NEGR1: variants seen among roughly 807,000 people sequenced by gnomAD.
The protein encoded by NEGR1 is neuronal growth regulator 1.
A neutral mutation model predicts 40.9 loss-of-function variants in NEGR1; 10 were observed. The ratio of observed to expected loss-of-function variants is 0.24; its 90% confidence interval spans 0.15 to 0.42. The LOEUF is 0.42. NEGR1 is among the 10% of genes least tolerant of loss of function. NEGR1 has a pLI of 1.00. For synonymous variants in NEGR1, 185 were observed against 166.8 expected, an observed-to-expected ratio of 1.11 and a Z score of -0.84; for missense variants, 352 against 438.9, an observed-to-expected ratio of 0.80 and a Z score of 1.77.
At chr1:71,888,340 G>A (rs1364906436) in intron 2 of NEGR1, among the ~76,000 whole-genome samples, 4 of 152,072 alleles carry the variant, frequency 2.6e-5, no homozygotes, top group Admixed American at 6.5e-5. Flanking sequence ...CAGACAGTGG[G>A]CGCAGGCCAG....
At chr1:71,485,843 A>G (rs1163101062) in intron 6 of NEGR1, among the ~76,000 whole-genome samples, 1 of 151,704 alleles carries the variant, frequency 6.6e-6, no homozygotes, top group African/African-American at 2.4e-5. Flanking sequence ...CACCTACTGA[A>G]AGACATCTTG....
intron 1 of NEGR1, among the ~76,000 whole-genome samples, chr1:72,199,851 TA>T (rs1354148165): frequency 6.6e-6 from 1 of 151,428 alleles, no homozygotes; most frequent in Non-Finnish European, 1.5e-5. Flanking sequence ...ACAACCCCAT[TA>T]AAAAATGGGC....
At chr1:71,664,248 T>G (rs1213005244) in intron 4 of NEGR1, among the ~76,000 whole-genome samples, 5 of 152,200 alleles carry the variant, frequency 3.3e-5, no homozygotes, top group African/African-American at 1.2e-4. Flanking sequence ...AGTGAAAGCA[T>G]GTGGGATGAA....
chr1:72,224,992 G>T (rs1654130032), intron 1 of NEGR1, among the ~76,000 whole-genome samples: 2 of 151,988 alleles, frequency 1.3e-5, no homozygotes, highest in South Asian at 4.1e-4. Flanking sequence ...TTTCCTAATA[G>T]TCTTGAATAA....
intron 6 of NEGR1, among the ~76,000 whole-genome samples, chr1:71,590,311 G>A (rs1054747136): frequency 6.6e-6 from 1 of 152,104 alleles, no homozygotes; most frequent in East Asian, 1.9e-4. Flanking sequence ...AATTCAGATA[G>A]TGGTATTGGC....
At chr1:71,649,123 A>T (rs1047467849) in intron 4 of NEGR1, among the ~76,000 whole-genome samples, 1 of 152,114 alleles carries the variant, frequency 6.6e-6, no homozygotes, top group Admixed American at 6.6e-5. Context: ...TACTTTTAAT[A>T]AAAGTAATGC....
chr1:72,051,923 T>C (rs1412628086), intron 1 of NEGR1, among the ~76,000 whole-genome samples: 3 of 151,394 alleles, frequency 2.0e-5, no homozygotes, highest in African/African-American at 7.3e-5. Flanking sequence ...ATGTAGAAGT[T>C]TGTCAACTTT....
At chr1:72,194,095 C>A (rs1057302965) in intron 1 of NEGR1, among the ~76,000 whole-genome samples, 4 of 151,640 alleles carry the variant, frequency 2.6e-5, no homozygotes, top group African/African-American at 9.7e-5. Context: ...GGCAAATCTA[C>A]AAAAGTCACA....
At chr1:72,181,216 T>C (rs1652353635) in intron 1 of NEGR1, among the ~76,000 whole-genome samples, 2 of 152,132 alleles carry the variant, frequency 1.3e-5, no homozygotes, top group African/African-American at 4.8e-5. Flanking sequence ...TGCAACAACA[T>C]GGGGCAGCTG....
intron 2 of NEGR1, among the ~76,000 whole-genome samples, chr1:71,928,828 A>C (rs1161926537): frequency 6.6e-6 from 1 of 151,994 alleles, no homozygotes. Context: ...AATTGAACTT[A>C]CTTGGTCTTT....
intron 3 of NEGR1, among the ~76,000 whole-genome samples, chr1:71,735,684 A>T (rs1655022214): frequency 6.6e-6 from 1 of 152,026 alleles, no homozygotes; most frequent in Non-Finnish European, 1.5e-5. Flanking sequence ...ATAATTAAGT[A>T]TATAAAATGT....
intron 2 of NEGR1, among the ~76,000 whole-genome samples, chr1:71,856,702 T>C (rs928370363): frequency 6.6e-6 from 1 of 152,180 alleles, no homozygotes; most frequent in Admixed American, 6.6e-5. Flanking sequence ...TTATTGTCTG[T>C]CATTATGCTA....
At chr1:72,218,246 A>G (rs1653891162) in intron 1 of NEGR1, among the ~76,000 whole-genome samples, 1 of 151,938 alleles carries the variant, frequency 6.6e-6, no homozygotes, top group Non-Finnish European at 1.5e-5. Flanking sequence ...GGAAGACATA[A>G]ATTGTCATTA....
chr1:71,507,493 G>A (rs1014987989), intron 6 of NEGR1, among the ~76,000 whole-genome samples: 5 of 152,168 alleles, frequency 3.3e-5, no homozygotes, highest in African/African-American at 1.2e-4. Flanking sequence ...AAACAAGTAT[G>A]CAAAAGTTAT....
chr1:71,491,639 C>G (rs1284313926), intron 6 of NEGR1, among the ~76,000 whole-genome samples: 1 of 151,308 alleles, frequency 6.6e-6, no homozygotes, highest in Non-Finnish European at 1.5e-5. Flanking sequence ...ACTCTTCATG[C>G]TACTGTGAAT....
rs552660943 is a variant in NEGR1 at position 72,059,036 on chromosome 1, G to T, written c.177-123725C>A. On this transcript the variant is annotated intron_variant, in intron 1 of 6. Transcript: ENST00000357731. ...AAAATGCGCATTGGAAATACAACTA[G>T]AACCTTGTCTTTCAGATTGGTCCCC... Among the ~76,000 whole-genome samples, 10 of 151,696 alleles carry T rather than the reference G, an allele frequency of 6.6e-5. No homozygotes were observed. In the East Asian group the frequency reaches 1.7e-3, roughly 27 times the overall value.
intron 6 of NEGR1, among the ~76,000 whole-genome samples, chr1:71,456,801 C>A (rs1408509452): frequency 6.6e-6 from 1 of 152,136 alleles, no homozygotes; most frequent in Non-Finnish European, 1.5e-5. Context: ...AAGTCAATTT[C>A]TTTTTTTGAT....
At chr1:71,898,247 T>A (rs1661026210) in intron 2 of NEGR1, among the ~76,000 whole-genome samples, 1 of 152,050 alleles carries the variant, frequency 6.6e-6, no homozygotes, top group Non-Finnish European at 1.5e-5. Context: ...GTCTTTTTAT[T>A]TTTTTCTTAT....
intron 1 of NEGR1, among the ~76,000 whole-genome samples, chr1:72,257,406 T>A (rs1655311320): frequency 6.6e-6 from 1 of 151,318 alleles, no homozygotes; most frequent in Non-Finnish European, 1.5e-5. Context: ...GAAAAAAATG[T>A]GTGAGTTGAT....
Sources: allele counts gnomAD v4.1 joint callset (sites outside exome capture counted in the v4.1 genomes callset), GRCh38; gene constraint gnomAD v4.1.1; transcripts MANE v1.5; gene names NCBI Gene and HGNC (gene_info 2026-07-23, HGNC 2026-07-21).